The following SRGAP3 variants were observed in gnomAD, a reference collection of about 807,000 sequenced individuals.
The protein encoded by SRGAP3 is SLIT-ROBO Rho GTPase-activating protein 3.
A neutral mutation model predicts 121.1 loss-of-function variants in SRGAP3; 39 were observed. The ratio of observed to expected loss-of-function variants is 0.32; its 90% confidence interval spans 0.25 to 0.42. The LOEUF is 0.42. SRGAP3 is among the 10% of genes least tolerant of loss of function. The probability of loss-of-function intolerance (pLI) is 1.00; values close to 1 mark genes in which losing one functional copy is unlikely to be tolerated. For missense variants in SRGAP3, 1,213 were observed against 1,470.6 expected (o/e 0.82, Z 2.86); for synonymous variants, 601 against 570.0 (o/e 1.05, Z -0.77).
At chr3:9,236,158 C>G (rs1227816684) in intron 1 of SRGAP3, 1 of 173,778 alleles carries the variant, frequency 5.8e-6, no homozygotes, top group African/African-American at 2.4e-5. Context: ...ACCCCCATAC[C>G]TTTGCACATG....
At position 9,038,043 on chromosome 3, in the gene SRGAP3, C is replaced by T. The variant is rs546058237; in HGVS notation, c.1436+20G>A. On this transcript the variant is annotated intron_variant, in intron 11 of 21. Coordinates refer to ENST00000383836, the MANE Select transcript of SRGAP3 (RefSeq NM_014850.4). ...ACCTCGGGCAGCAGATGAAAGAAAACACAACTCTCCCACTCTCACCTGGTG... is the reference window on the plus strand; with the variant it reads ...ACCTCGGGCAGCAGATGAAAGAAAATACAACTCTCCCACTCTCACCTGGTG... The T allele has an allele frequency of 8.1e-6, 13 of 1,614,202 alleles. No individual in the cohort carries two copies. The South Asian group carries it at 1.2e-4, about 15-fold the overall frequency.
chr3:9,221,938 C>T (rs1186454821), intron 1 of SRGAP3, among the ~76,000 whole-genome samples: 1 of 152,232 alleles, frequency 6.6e-6, no homozygotes, highest in Non-Finnish European at 1.5e-5. Context: ...AAGGATTCTT[C>T]TTAACTCTGT....
chr3:9,181,583 G>T (rs1463432958), intron 1 of SRGAP3, among the ~76,000 whole-genome samples: 4 of 152,208 alleles, frequency 2.6e-5, no homozygotes, highest in African/African-American at 9.7e-5. Context: ...GCCCGCAAGG[G>T]ATGCCCTCTG....
chr3:9,127,700 G>A (rs1391954912), intron 1 of SRGAP3, among the ~76,000 whole-genome samples: 2 of 152,152 alleles, frequency 1.3e-5, no homozygotes, highest in Non-Finnish European at 2.9e-5. Context: ...ACCCGCCTTG[G>A]CCTCCCAAAG....
Position 9,124,907 on chromosome 3 carries a change from C to T in SRGAP3, c.78G>A (p.Thr26=), listed in dbSNP as rs779800411. ...EYEAQIKEIR[T]QLVEQFKCLE... ...GACATTTGAACTGCTCCACCAGCTG[C>T]GTGCGGATCTCTGCGGGCACACAAG... is the stretch of plus-strand genomic sequence containing the variant. The change falls in exon 2 of 22, where the codon ACG becomes ACA. Residue 26 remains threonine (T), a synonymous_variant. Coordinates refer to ENST00000383836, the MANE Select transcript of SRGAP3 (RefSeq NM_014850.4). 3.4e-5 allele frequency: 55 copies of T among 1,613,986 alleles called. No individual in the cohort carries two copies. The highest frequency in any genetic ancestry group is 4.1e-5 in the Non-Finnish European group (48 of 1,180,038).
chr3:9,152,268 A>G (rs894541310), intron 1 of SRGAP3, among the ~76,000 whole-genome samples: 11 of 152,212 alleles, frequency 7.2e-5, no homozygotes, highest in Admixed American at 4.6e-4. Flanking sequence ...GTAGCCAGCC[A>G]TGTTGGCATA....
intron 3 of SRGAP3, among the ~76,000 whole-genome samples, chr3:9,288,709 G>T (rs1030704669): frequency 2.6e-5 from 4 of 151,528 alleles, no homozygotes; most frequent in African/African-American, 9.7e-5. Flanking sequence ...CAAGTAGTTG[G>T]GACTATAGTG....
At chr3:9,015,873 C>A (rs948864095) in intron 14 of SRGAP3, 142 bp from the exon 15 acceptor site, 1 of 867,490 alleles carries the variant, frequency 1.2e-6, no homozygotes. Context: ...TGAGGCCCCC[C>A]ACTTCAGCAA....
chr3:9,072,565 C>T (rs986481253), intron 4 of SRGAP3, among the ~76,000 whole-genome samples: 7 of 152,216 alleles, frequency 4.6e-5, no homozygotes, highest in African/African-American at 1.4e-4. Flanking sequence ...GTGACAGCCC[C>T]GCAGAGCTGC....
At chr3:9,082,891 A>C (rs1037013386) in intron 3 of SRGAP3, among the ~76,000 whole-genome samples, 1 of 152,148 alleles carries the variant, frequency 6.6e-6, no homozygotes, top group Non-Finnish European at 1.5e-5. Context: ...ACCCCTCTGA[A>C]GGTGGTCTCT....
At chr3:9,232,419 G>A (rs1040045362) in intron 1 of SRGAP3, among the ~76,000 whole-genome samples, 18 of 151,896 alleles carry the variant, frequency 1.2e-4, no homozygotes, top group African/African-American at 4.4e-4. Context: ...TCCACCCCTC[G>A]TCCCCAAGGG....
intron 18 of SRGAP3, among the ~76,000 whole-genome samples, chr3:9,009,059 G>C (rs1943228495): frequency 6.6e-6 from 1 of 152,220 alleles, no homozygotes; most frequent in African/African-American, 2.4e-5. Flanking sequence ...CCTGGATCCA[G>C]CTGTGCCTGA....
chr3:9,268,099 C>T (rs1207631826), intron 3 of SRGAP3, among the ~76,000 whole-genome samples: 1 of 152,144 alleles, frequency 6.6e-6, no homozygotes, highest in Non-Finnish European at 1.5e-5. Flanking sequence ...TGCCACCAAC[C>T]ATGTGAGTCA....
intron 3 of SRGAP3, among the ~76,000 whole-genome samples, chr3:9,320,927 G>A (rs1955429247): frequency 6.6e-6 from 1 of 151,770 alleles, no homozygotes; most frequent in Non-Finnish European, 1.5e-5. Context: ...TGTATATACA[G>A]ACAGTATATG....
chr3:9,189,261 C>G (rs985635075), intron 1 of SRGAP3, among the ~76,000 whole-genome samples: 2 of 152,224 alleles, frequency 1.3e-5, no homozygotes, highest in Admixed American at 1.3e-4. Context: ...TTCAGACCTT[C>G]CGTAAAACTG....
At chr3:9,175,960 C>A (rs1951164129) in intron 1 of SRGAP3, among the ~76,000 whole-genome samples, 1 of 152,070 alleles carries the variant, frequency 6.6e-6, no homozygotes. Context: ...CTCACTCTGT[C>A]ACCCAGGCTG....
At chr3:9,222,565 G>A (rs1252789075) in intron 1 of SRGAP3, among the ~76,000 whole-genome samples, 4 of 152,220 alleles carry the variant, frequency 2.6e-5, no homozygotes, top group Admixed American at 2.6e-4. Flanking sequence ...CCTGCACGTT[G>A]CTGATTCTAT....
intron 3 of SRGAP3, among the ~76,000 whole-genome samples, chr3:9,291,896 A>G (rs141521292): frequency 8.5e-4 from 130 of 152,240 alleles, no homozygotes; most frequent in African/African-American, 2.9e-3. Flanking sequence ...ATCACACTCA[A>G]CTTAAGTTCT....
chr3:9,042,209 T>C (rs1399398286), intron 10 of SRGAP3, among the ~76,000 whole-genome samples: 1 of 152,166 alleles, frequency 6.6e-6, no homozygotes, highest in Non-Finnish European at 1.5e-5. Flanking sequence ...TGTGTCAATA[T>C]AGAAAATCAA....
Sources: gnomAD v4.1 joint callset for allele counts (sites outside exome capture counted in the v4.1 genomes callset) on GRCh38, gnomAD v4.1.1 for gene constraint, MANE v1.5 for transcripts, NCBI Gene and HGNC (gene_info 2026-07-23, HGNC 2026-07-21) for gene names.